The following PIP4K2A variants were observed in gnomAD, a reference collection of about 807,000 sequenced individuals.
The protein encoded by PIP4K2A is phosphatidylinositol-5-phosphate 4-kinase type 2 alpha, also known as phosphatidylinositol 5-phosphate 4-kinase type-2 alpha.
Under a neutral mutation model 42.9 loss-of-function variants are expected in PIP4K2A, and 14 were observed. The ratio of observed to expected loss-of-function variants is 0.33; its 90% CI spans 0.22 to 0.51. The LOEUF (loss-of-function observed/expected upper bound fraction) is 0.51. Among genes scored for constraint, PIP4K2A ranks in the 20% least tolerant of loss-of-function variants. The probability of loss-of-function intolerance (pLI) is 0.97; values close to 1 mark genes in which losing one functional copy is unlikely to be tolerated. For synonymous variants in PIP4K2A, 192 were observed against 192.2 expected, an observed-to-expected ratio of 1.00 and a Z score of 0.01; for missense variants, 434 against 519.8, an observed-to-expected ratio of 0.83 and a Z score of 1.61.
At position 22,601,154 on chromosome 10, in the gene PIP4K2A, A is replaced by C. The variant is rs796946565; in HGVS notation, c.339+6773T>G. On this transcript the variant is annotated intron_variant, in intron 3 of 9. Transcript: ENST00000376573. ...TCAAAAAAAAAAAAAAAAAAAAAAA[A>C]AAAAAAAAACAAACCAGGAACATGT... Among the ~76,000 whole-genome samples, 16 of 135,096 alleles carry C rather than the reference A, an allele frequency of 1.2e-4. 1 individual carries two copies. The highest frequency in any genetic ancestry group is 3.6e-3 in the Middle Eastern group (1 of 278). 88.6% of individuals were successfully genotyped at this position (135,096 alleles called of 152,430 possible).
At chr10:22,713,966 C>G in intron 1 of PIP4K2A, 1 of 439,796 alleles carries the variant, frequency 2.3e-6, no homozygotes, top group Non-Finnish European at 4.1e-6. Flanking sequence ...CCGCACCGGG[C>G]CATAGATCTA....
chr10:22,714,429 C>T lies in PIP4K2A; in HGVS notation c.-103G>A, dbSNP rs913230552. The stretch of plus-strand genomic sequence containing the variant: ...GCAGCCGCATCCCCCCGGCGGCGGC[C>T]CCGGCGCGCCGCGCTCCGCTCCGCC... On this transcript the variant is annotated 5_prime_UTR_variant, in exon 1 of 10. Coordinates refer to ENST00000376573, the MANE Select transcript of PIP4K2A (RefSeq NM_005028.5). 154 of 764,654 alleles carry T rather than the reference C, an allele frequency of 2.0e-4. 2 individuals are homozygous for T. The highest frequency in any genetic ancestry group is 2.3e-4 in the Non-Finnish European group (141 of 617,478). The allele number at this position is 764,654 out of a possible 1,614,324, so 47.4% of individuals were successfully genotyped here. A position where few individuals can be genotyped will look rare whatever the true frequency, so the allele number is the denominator to read the frequency against.
chr10:22,651,738 C>T (rs1254133543), intron 1 of PIP4K2A, among the ~76,000 whole-genome samples: 1 of 152,236 alleles, frequency 6.6e-6, no homozygotes, highest in East Asian at 1.9e-4. Context: ...GCCACGACTA[C>T]TGAGGTCTGT....
chr10:22,639,863 C>G (rs1234648791), intron 1 of PIP4K2A, among the ~76,000 whole-genome samples: 3 of 152,132 alleles, frequency 2.0e-5, no homozygotes, highest in Non-Finnish European at 4.4e-5. Flanking sequence ...ATTCACACTC[C>G]CTGCTCCAGA....
At chr10:22,713,141 C>T (rs1487659454) in intron 1 of PIP4K2A, among the ~76,000 whole-genome samples, 1 of 152,200 alleles carries the variant, frequency 6.6e-6, no homozygotes, top group African/African-American at 2.4e-5. Flanking sequence ...CCAACAGCTC[C>T]GATCATGTTT....
At chr10:22,557,831 A>G (rs76659795) in intron 6 of PIP4K2A, among the ~76,000 whole-genome samples, 4,414 of 152,330 alleles carry the variant, frequency 0.029, 210 homozygotes, top group African/African-American at 0.099. Flanking sequence ...CCTAAAATGC[A>G]CAGAGCCAAA....
At chr10:22,653,503 T>C (rs1378597793) in intron 1 of PIP4K2A, among the ~76,000 whole-genome samples, 1 of 152,172 alleles carries the variant, frequency 6.6e-6, no homozygotes, top group Non-Finnish European at 1.5e-5. Flanking sequence ...CTCTTAATGA[T>C]TCAATTCAGC....
At position 22,588,713 on chromosome 10, in the gene PIP4K2A, G is replaced by A. The variant is rs887029199; in HGVS notation, c.492+2916C>T. The stretch of plus-strand genomic sequence containing the variant: ...CCAAGAGGCAGTTCCTAACAGGTTA[G>A]GATCTATGTCTCCTGACTTCTACTT... On this transcript the variant is annotated intron_variant, in intron 4 of 9. Coordinates refer to ENST00000376573, the MANE Select transcript of PIP4K2A (RefSeq NM_005028.5). 2.0e-5 allele frequency among the ~76,000 whole-genome samples: 3 copies of A among 152,072 alleles called. No individual in the cohort carries two copies. In the East Asian group the frequency reaches 5.8e-4, roughly 29 times the overall value.
chr10:22,592,684 CTT>C (rs1564434392), intron 3 of PIP4K2A, among the ~76,000 whole-genome samples: 1 of 152,206 alleles, frequency 6.6e-6, no homozygotes, highest in African/African-American at 2.4e-5. Context: ...CAGATCTCCT[CTT>C]TCTTACATCC....
At chr10:22,610,515 T>C (rs1400291031) in intron 1 of PIP4K2A, among the ~76,000 whole-genome samples, 1 of 152,238 alleles carries the variant, frequency 6.6e-6, no homozygotes. Flanking sequence ...GCAGGTACGC[T>C]GAAGGATTCT....
rs1034700899 is a variant in PIP4K2A at position 22,539,892 on chromosome 10, A to G, written c.1140+79T>C. The G allele has an allele frequency of 9.4e-4, 592 of 629,470 alleles. 7 individuals carry two copies. The highest frequency in any genetic ancestry group is 8.8e-3 in the South Asian group (560 of 63,762). The allele number at this position is 629,470 out of a possible 1,614,324, so 39.0% of individuals were successfully genotyped here. ...AGGTCACACAGAGGAGCCAGGAGAG[A>G]GAGAGAGAGAGAGAGAGAGGGAGAG... On this transcript the variant is annotated intron_variant, in intron 9 of 9. Coordinates refer to ENST00000376573, the MANE Select transcript of PIP4K2A (RefSeq NM_005028.5).
At chr10:22,569,146 A>C (rs1202103235) in intron 5 of PIP4K2A, 16 of 943,400 alleles carry the variant, frequency 1.7e-5, no homozygotes, top group Non-Finnish European at 2.0e-5. Flanking sequence ...ACAGATGCGG[A>C]AACTTGAACG....
At chr10:22,565,371 A>ATT (rs911377976) in intron 6 of PIP4K2A, among the ~76,000 whole-genome samples, 10 of 152,232 alleles carry the variant, frequency 6.6e-5, no homozygotes, top group African/African-American at 2.4e-4. Context: ...TTTTATGGAC[A>ATT]TTTATTAGTT....
rs111483402 is a variant in PIP4K2A at position 22,541,934 on chromosome 10, G to C, written c.906C>G (p.Gly302=). 2 of 1,613,802 alleles carry C rather than the reference G, an allele frequency of 1.2e-6. No individual in the cohort carries two copies. Among genetic ancestry groups the C allele is most frequent in the East Asian group, 2.2e-5 (1 of 44,852 alleles). Residue 302 remains glycine, a synonymous_variant, in exon 8 of 10, where the codon GGC becomes GGG. Coordinates refer to ENST00000376573, the MANE Select transcript of PIP4K2A (RefSeq NM_005028.5). ...CCACCGGGTGGGTGCCATCGCTCTC[G>C]CCCTCCTCCTCCCCATCGTTCTCCT... is the stretch of plus-strand genomic sequence containing the variant. The part of the protein sequence containing the change: ...ECEENDGEEE[G]ESDGTHPVGT...
At chr10:22,590,299 A>G (rs565285789) in intron 4 of PIP4K2A, among the ~76,000 whole-genome samples, 1 of 152,362 alleles carries the variant, frequency 6.6e-6, no homozygotes, top group Admixed American at 6.5e-5. Flanking sequence ...TGTTTTAAAC[A>G]CCAGTTGTGA....
In PIP4K2A at chr10:22,664,150, T is replaced by TACAC. The variant is rs1273354267; in HGVS notation, c.144+50029_144+50032dup. 2.8e-4 allele frequency among the ~76,000 whole-genome samples: 6 copies of TACAC among 21,742 alleles called. 2 individuals are homozygous for TACAC. The highest frequency in any genetic ancestry group is 1.7e-3 in the African/African-American group (6 of 3,550). 14.3% of individuals were successfully genotyped at this position (21,742 alleles called of 152,430 possible). A position where few individuals can be genotyped will look rare whatever the true frequency, so the allele number is the denominator to read the frequency against. ...ATATACATATATATATACATATATATACACATATATATATATACATATATA... is the reference window on the plus strand; with the variant it reads ...ATATACATATATATATACATATATATACACACACATATATATATATACATATATA... On this transcript the variant is annotated intron_variant, in intron 1 of 9. Transcript: ENST00000376573.
At chr10:22,558,449 G>A (rs1836606338) in intron 6 of PIP4K2A, among the ~76,000 whole-genome samples, 1 of 152,120 alleles carries the variant, frequency 6.6e-6, no homozygotes, top group Non-Finnish European at 1.5e-5. Flanking sequence ...AAGAGATGCT[G>A]GAGATTTATA....
chr10:22,542,076 G>C, intron 7 of PIP4K2A, 29 bp from the exon 8 acceptor site: 1 of 1,572,604 alleles, frequency 6.4e-7, no homozygotes, highest in Non-Finnish European at 8.6e-7. Context: ...GGGTGAGTCA[G>C]CCACACCTTA....
intron 3 of PIP4K2A, among the ~76,000 whole-genome samples, chr10:22,593,932 G>A (rs1308569498): frequency 1.3e-5 from 2 of 152,164 alleles, no homozygotes; most frequent in South Asian, 2.1e-4. Flanking sequence ...TTCATAGATC[G>A]TTTTCTTATG....
Sources: allele counts gnomAD v4.1 joint callset (sites outside exome capture counted in the v4.1 genomes callset), GRCh38; gene constraint gnomAD v4.1.1; transcripts MANE v1.5; gene names NCBI Gene and HGNC (gene_info 2026-07-23, HGNC 2026-07-21).